GALNTL6: variants seen among roughly 807,000 people sequenced by gnomAD.
GALNTL6 encodes polypeptide N-acetylgalactosaminyltransferase-like 6.
A neutral mutation model predicts 73.7 loss-of-function variants in GALNTL6; 46 were observed. That is an observed-to-expected ratio of 0.62 (90% CI 0.49 to 0.80). The LOEUF (loss-of-function observed/expected upper bound fraction) is 0.80, where lower values mean the gene tolerates loss of function less well. Ranked by LOEUF, GALNTL6 falls within the 30% of genes least tolerant of loss-of-function variation. The pLI, the probability that GALNTL6 is intolerant of heterozygous loss-of-function variation, is 0.00. For missense variants in GALNTL6, 604 were observed against 755.0 expected, an observed-to-expected ratio of 0.80 and a Z score of 2.34; for synonymous variants, 259 against 263.7, an observed-to-expected ratio of 0.98 and a Z score of 0.17.
In GALNTL6 at chr4:172,681,539, C is replaced by G. The variant is rs545273231; in HGVS notation, c.554-127822C>G. On this transcript the variant is annotated intron_variant, in intron 5 of 12. Transcript: ENST00000506823. ...ATGAATATCTTATATTGGTATAATA[C>G]TTTATAGCTCATAAATTACTTTCAT... Among the ~76,000 whole-genome samples the G allele has an allele frequency of 1.6e-3, 239 of 152,152 alleles. 1 individual carries two copies. Among genetic ancestry groups the G allele is most frequent in the Non-Finnish European group, 3.0e-3 (201 of 68,002 alleles).
At chr4:172,934,308 C>A (rs758679984) in intron 9 of GALNTL6, among the ~76,000 whole-genome samples, 7 of 151,986 alleles carry the variant, frequency 4.6e-5, no homozygotes, top group Admixed American at 2.0e-4. Context: ...CAGGATGAAC[C>A]AATTCCTGAC....
intron 2 of GALNTL6, among the ~76,000 whole-genome samples, chr4:171,833,872 T>A (rs1177910628): frequency 6.6e-6 from 1 of 151,898 alleles, no homozygotes; most frequent in Non-Finnish European, 1.5e-5. Context: ...ATAATTATCT[T>A]CATCTTTTTT....
At chr4:172,376,702 G>A (rs576244000) in intron 5 of GALNTL6, among the ~76,000 whole-genome samples, 53 of 152,244 alleles carry the variant, frequency 3.5e-4, no homozygotes, top group African/African-American at 1.1e-3. Flanking sequence ...TGGTCTCACC[G>A]CTTGGTGACA....
chr4:172,013,549 T>C (rs906147211), intron 2 of GALNTL6, among the ~76,000 whole-genome samples: 2 of 151,964 alleles, frequency 1.3e-5, no homozygotes, highest in Non-Finnish European at 2.9e-5. Context: ...ATTTCTCTTT[T>C]TAAAATCTTT....
At chr4:172,231,091 C>A (rs1560981106) in intron 3 of GALNTL6, among the ~76,000 whole-genome samples, 1 of 152,088 alleles carries the variant, frequency 6.6e-6, no homozygotes, top group Non-Finnish European at 1.5e-5. Flanking sequence ...TAGGTTTTAT[C>A]ATCTTTCCAC....
At chr4:172,139,395 A>C (rs1370789674) in intron 2 of GALNTL6, among the ~76,000 whole-genome samples, 1 of 152,226 alleles carries the variant, frequency 6.6e-6, no homozygotes, top group Non-Finnish European at 1.5e-5. Flanking sequence ...ACAAACACCT[A>C]GATGTTTACA....
chr4:171,908,495 C>A lies in GALNTL6; in HGVS notation c.138+93777C>A, dbSNP rs184197045. ...TGGCAATCATTAAAAAGGCAGGAAA[C>A]AAGTGCTGGAGAGGATGTGGAGAAA... is the stretch of plus-strand genomic sequence containing the variant. On this transcript the variant is annotated intron_variant, in intron 2 of 12. Coordinates refer to ENST00000506823, the MANE Select transcript of GALNTL6 (RefSeq NM_001034845.3). Among the ~76,000 whole-genome samples, 6 of 152,190 alleles carry A rather than the reference C, an allele frequency of 3.9e-5. No homozygotes were observed. In the East Asian group the frequency reaches 1.2e-3, roughly 30 times the overall value.
rs369522739 is a variant in GALNTL6 at position 172,155,072 on chromosome 4, A to C, written c.139-74584A>C. Among the ~76,000 whole-genome samples the C allele has an allele frequency of 9.0e-4, 136 of 150,712 alleles. 3 individuals are homozygous for C. In the East Asian group the frequency reaches 0.023, roughly 25 times the overall value. On this transcript the variant is annotated intron_variant, in intron 2 of 12. Transcript: ENST00000506823. ...GAGTGCAGTGGCACAATCTTGGCTC[A>C]CTGCAACCTCCGCCTCCTAGGTTCA...
chr4:172,371,297 T>C (rs1742800876), intron 5 of GALNTL6, among the ~76,000 whole-genome samples: 1 of 152,224 alleles, frequency 6.6e-6, no homozygotes, highest in South Asian at 2.1e-4. Flanking sequence ...TAATTAAGAT[T>C]TAGATCCCCT....
At position 172,501,090 on chromosome 4, in the gene GALNTL6, A is replaced by C. The variant is rs183162447; in HGVS notation, c.553+152401A>C. 4.6e-5 allele frequency among the ~76,000 whole-genome samples: 7 copies of C among 152,358 alleles called. No individual in the cohort carries two copies. In the East Asian group the frequency reaches 1.3e-3, roughly 29 times the overall value. On this transcript the variant is annotated intron_variant, in intron 5 of 12. Coordinates refer to ENST00000506823, the MANE Select transcript of GALNTL6 (RefSeq NM_001034845.3). ...GGTAGAACTAAATATACATGCACAC[A>C]CTTCCACAAATGAGTACATGCATAA...
intron 2 of GALNTL6, among the ~76,000 whole-genome samples, chr4:172,080,325 C>T (rs1464126303): frequency 6.6e-6 from 1 of 152,076 alleles, no homozygotes; most frequent in Non-Finnish European, 1.5e-5. Context: ...GAACTACAGG[C>T]ACATGGTACC....
chr4:172,895,286 T>TGTC lies in GALNTL6; in HGVS notation c.1041+12380_1041+12382dup, dbSNP rs1277105513. ...TTCTTTTCCCTTCTTCCATTTTTCC[T>TGTC]GTCTTTGTGGTTAAGTGATTTGCTC... is the stretch of plus-strand genomic sequence containing the variant. On this transcript the variant is annotated intron_variant, in intron 8 of 12. Coordinates refer to ENST00000506823, the MANE Select transcript of GALNTL6 (RefSeq NM_001034845.3). Among the ~76,000 whole-genome samples, 6 of 150,494 alleles carry TGTC rather than the reference T, an allele frequency of 4.0e-5. No homozygotes were observed. In the East Asian group the frequency reaches 1.2e-3, roughly 29 times the overall value.
At chr4:172,408,547 A>C (rs989444679) in intron 5 of GALNTL6, among the ~76,000 whole-genome samples, 27 of 152,024 alleles carry the variant, frequency 1.8e-4, no homozygotes, top group African/African-American at 6.3e-4. Context: ...ATATATTTGA[A>C]ATAGAAGCAA....
intron 5 of GALNTL6, among the ~76,000 whole-genome samples, chr4:172,556,496 A>G (rs970824407): frequency 6.6e-6 from 1 of 152,114 alleles, no homozygotes; most frequent in Admixed American, 6.6e-5. Flanking sequence ...TAACATTTTT[A>G]AGTATAATAT....
chr4:172,184,571 CT>C (rs1178782169), intron 2 of GALNTL6, among the ~76,000 whole-genome samples: 1 of 151,982 alleles, frequency 6.6e-6, no homozygotes, highest in Non-Finnish European at 1.5e-5. Context: ...GTTTCTGAGC[CT>C]TTTTAGTAAA....
At chr4:171,998,056 C>CT (rs145788330) in intron 2 of GALNTL6, among the ~76,000 whole-genome samples, 2,045 of 152,234 alleles carry the variant, frequency 0.013, 24 homozygotes, top group Middle Eastern at 0.034. Flanking sequence ...TCCTATGCCT[C>CT]TTTTACCCCA....
At chr4:171,916,858 A>T (rs567870982) in intron 2 of GALNTL6, among the ~76,000 whole-genome samples, 1 of 151,996 alleles carries the variant, frequency 6.6e-6, no homozygotes, top group Non-Finnish European at 1.5e-5. Flanking sequence ...CTATATCTTG[A>T]CCCTTTCAGA....
chr4:172,971,686 A>G (rs1449661079), intron 10 of GALNTL6, among the ~76,000 whole-genome samples: 1 of 152,238 alleles, frequency 6.6e-6, no homozygotes, highest in Non-Finnish European at 1.5e-5. Flanking sequence ...AGAGTTAGGC[A>G]TTAATTTAAA....
chr4:172,461,194 A>C (rs1732599486), intron 5 of GALNTL6, among the ~76,000 whole-genome samples: 1 of 151,804 alleles, frequency 6.6e-6, no homozygotes, highest in African/African-American at 2.4e-5. Flanking sequence ...AGGGAGGGAA[A>C]GATCACACAC....
Sources: gnomAD v4.1 joint callset for allele counts (sites outside exome capture counted in the v4.1 genomes callset) on GRCh38, gnomAD v4.1.1 for gene constraint, MANE v1.5 for transcripts, NCBI Gene and HGNC (gene_info 2026-07-23, HGNC 2026-07-21) for gene names.